The following CSRNP3 variants were observed in gnomAD, a reference collection of about 807,000 sequenced individuals.
The protein encoded by CSRNP3 is cysteine and serine rich nuclear protein 3, also known as cysteine/serine-rich nuclear protein 3.
Under a neutral mutation model 48.0 loss-of-function variants are expected in CSRNP3, and 12 were observed. The observed-to-expected ratio is 0.25, with a 90% confidence interval of 0.16 to 0.41. CSRNP3 has a LOEUF of 0.41. CSRNP3 is among the 10% of genes least tolerant of loss of function. CSRNP3 has a pLI of 1.00. For missense variants in CSRNP3, 580 were observed against 724.4 expected, an observed-to-expected ratio of 0.80 and a Z score of 2.29; for synonymous variants, 263 against 269.7, an observed-to-expected ratio of 0.98 and a Z score of 0.24.
At chr2:165,524,175 A>G (rs981916602) in intron 3 of CSRNP3, among the ~76,000 whole-genome samples, 1 of 152,192 alleles carries the variant, frequency 6.6e-6, no homozygotes. Flanking sequence ...TAACAAACCC[A>G]GGTACACATA....
intron 3 of CSRNP3, among the ~76,000 whole-genome samples, chr2:165,578,542 T>G (rs1289843115): frequency 1.3e-5 from 2 of 152,074 alleles, no homozygotes; most frequent in Non-Finnish European, 2.9e-5. Context: ...ATCAAAAGAC[T>G]CTGTAAGAAT....
At chr2:165,522,887 G>C (rs1306338391) in intron 3 of CSRNP3, among the ~76,000 whole-genome samples, 1 of 151,908 alleles carries the variant, frequency 6.6e-6, no homozygotes, top group Non-Finnish European at 1.5e-5. Flanking sequence ...AGTGCTACAG[G>C]AGCAATTATA....
intron 3 of CSRNP3, among the ~76,000 whole-genome samples, chr2:165,551,653 A>G (rs1043146640): frequency 1.8e-4 from 27 of 152,224 alleles, no homozygotes; most frequent in South Asian, 2.1e-4. Flanking sequence ...AGAGGAATTT[A>G]AAACTGTGGC....
intron 3 of CSRNP3, among the ~76,000 whole-genome samples, chr2:165,518,277 A>C (rs1684606860): frequency 6.6e-6 from 1 of 151,984 alleles, no homozygotes; most frequent in Non-Finnish European, 1.5e-5. Context: ...TGTTAAATAT[A>C]AACCTATTTA....
At chr2:165,516,848 G>T (rs1374741213) in intron 2 of CSRNP3, among the ~76,000 whole-genome samples, 13 of 152,188 alleles carry the variant, frequency 8.5e-5, no homozygotes, top group Non-Finnish European at 1.5e-5. Context: ...GGAAAAAAGA[G>T]AATCTTGGCG....
rs1687681385 is a variant in CSRNP3, at chr2:165,689,348, A to G, written c.*9595A>G. 6.6e-6 allele frequency: 1 copy of G among 152,156 alleles called. No homozygotes were observed. Among genetic ancestry groups the G allele is most frequent in the Non-Finnish European group, 1.5e-5 (1 of 68,016 alleles). The allele number at this position is 152,156 out of a possible 1,614,324, so 9.4% of individuals were successfully genotyped here. A position where few individuals can be genotyped will look rare whatever the true frequency, so the allele number is the denominator to read the frequency against. On this transcript the variant is annotated 3_prime_UTR_variant, in exon 7 of 7. Transcript: ENST00000651982. ...TGTATTATGCTGTACTTTTTATTAC[A>G]TATTGTACAATATCTTGTCCATTTG...
intron 4 of CSRNP3, among the ~76,000 whole-genome samples, chr2:165,605,535 G>T (rs1352302868): frequency 6.6e-6 from 1 of 152,042 alleles, no homozygotes; most frequent in Non-Finnish European, 1.5e-5. Context: ...TAGATGAAAT[G>T]AGACTGAAAA....
At chr2:165,561,694 C>G (rs1247166482) in intron 3 of CSRNP3, among the ~76,000 whole-genome samples, 1 of 152,074 alleles carries the variant, frequency 6.6e-6, no homozygotes. Context: ...CCACAACAAG[C>G]TGAAATTTTA....
chr2:165,649,941 G>A (rs1272466472), intron 4 of CSRNP3, among the ~76,000 whole-genome samples: 3 of 151,800 alleles, frequency 2.0e-5, no homozygotes, highest in African/African-American at 7.3e-5. Flanking sequence ...GTTTAAGGTG[G>A]GTTTTTTTTC....
intron 1 of CSRNP3, among the ~76,000 whole-genome samples, chr2:165,473,725 T>A (rs893825985): frequency 6.6e-6 from 1 of 152,170 alleles, no homozygotes; most frequent in Non-Finnish European, 1.5e-5. Flanking sequence ...ATATTTCACA[T>A]ATCTCAATGA....
intron 4 of CSRNP3, among the ~76,000 whole-genome samples, chr2:165,621,987 C>T (rs181186153): frequency 2.5e-4 from 38 of 152,320 alleles, no homozygotes; most frequent in Non-Finnish European, 3.7e-4. Context: ...CCTACTCTCA[C>T]AAATGGCAGG....
chr2:165,602,091 C>T (rs1304524415), intron 4 of CSRNP3, among the ~76,000 whole-genome samples: 4 of 152,170 alleles, frequency 2.6e-5, no homozygotes, highest in Middle Eastern at 3.4e-3. Context: ...AGACATATGT[C>T]GCAATCTACC....
intron 1 of CSRNP3, among the ~76,000 whole-genome samples, chr2:165,485,991 C>T (rs554353736): frequency 5.3e-5 from 8 of 152,168 alleles, no homozygotes; most frequent in South Asian, 2.1e-4. Context: ...CCAGCGTGAG[C>T]GACGCAGAAG....
rs1057512168 is a variant in CSRNP3, at chr2:165,680,952, G to A, written c.*1199G>A. ...TCCACTTAGTGACTAGCTGATTGAA[G>A]GGGGGCCTCTACCCAAATACTCAAC... On this transcript the variant is annotated 3_prime_UTR_variant, in exon 7 of 7. Coordinates refer to ENST00000651982, the MANE Select transcript of CSRNP3 (RefSeq NM_001172173.2). 6.6e-6 allele frequency: 1 copy of A among 151,988 alleles called. No homozygotes were observed. The highest frequency in any genetic ancestry group is 6.6e-5 in the Admixed American group (1 of 15,258). 9.4% of individuals were successfully genotyped at this position (151,988 alleles called of 1,614,324 possible).
At chr2:165,481,410 T>C (rs1684041261) in intron 1 of CSRNP3, among the ~76,000 whole-genome samples, 1 of 102,730 alleles carries the variant, frequency 9.7e-6, no homozygotes, top group Non-Finnish European at 2.0e-5. Flanking sequence ...TTTCCTGGAG[T>C]GTGGGGTGGG....
At chr2:165,634,086 C>A (rs1400531806) in intron 4 of CSRNP3, among the ~76,000 whole-genome samples, 3 of 152,182 alleles carry the variant, frequency 2.0e-5, no homozygotes, top group Non-Finnish European at 4.4e-5. Flanking sequence ...CACCTGTAAT[C>A]CCAACACTTT....
intron 5 of CSRNP3, among the ~76,000 whole-genome samples, chr2:165,669,659 C>T (rs1390034871): frequency 6.6e-6 from 1 of 152,044 alleles, no homozygotes; most frequent in Non-Finnish European, 1.5e-5. Flanking sequence ...TACGAATCTG[C>T]AAAATTAAGA....
chr2:165,644,341 TGAA>T (rs1221051108), intron 4 of CSRNP3, among the ~76,000 whole-genome samples: 1 of 152,206 alleles, frequency 6.6e-6, no homozygotes, highest in Non-Finnish European at 1.5e-5. Flanking sequence ...TAGAAATTAT[TGAA>T]GAAGAAAGAC....
At chr2:165,537,104 C>T (rs1400313530) in intron 3 of CSRNP3, among the ~76,000 whole-genome samples, 2 of 151,652 alleles carry the variant, frequency 1.3e-5, no homozygotes, top group African/African-American at 4.8e-5. Flanking sequence ...TTTTTTGCAT[C>T]ATTCTATTGT....
Sources: gnomAD v4.1 joint callset for allele counts (sites outside exome capture counted in the v4.1 genomes callset) on GRCh38, gnomAD v4.1.1 for gene constraint, MANE v1.5 for transcripts, NCBI Gene and HGNC (gene_info 2026-07-23, HGNC 2026-07-21) for gene names.